Variants in PDS5A observed in about 807,000 individuals in gnomAD.
The protein encoded by PDS5A is PDS5 cohesin associated factor A, also known as sister chromatid cohesion protein PDS5 homolog A.
Under a neutral mutation model 167.1 loss-of-function variants are expected in PDS5A, and 42 were observed. The observed-to-expected ratio is 0.25, with a 90% confidence interval of 0.20 to 0.33. The LOEUF is 0.33. Ranked by LOEUF, PDS5A falls within the 10% of genes least tolerant of loss-of-function variation. The pLI is 1.00. For missense variants in PDS5A, 1,033 were observed against 1,605.9 expected, an observed-to-expected ratio of 0.64 and a Z score of 6.10; for synonymous variants, 553 against 554.6, an observed-to-expected ratio of 1.00 and a Z score of 0.04.
chr4:39,929,606 CGTGTGTGTGTGT>C (rs58333282), intron 2 of PDS5A, among the ~76,000 whole-genome samples: 6 of 130,814 alleles, frequency 4.6e-5, no homozygotes, highest in African/African-American at 1.8e-4. Context: ...CCTATTGGGG[CGTGTGTGTGTGT>C]GTGTGTGTGT....
Position 39,977,420 on chromosome 4 carries a change from C to A in PDS5A, c.-41+37G>T, listed in dbSNP as rs1054402989. ...CTCCCCTTCCGTCCCCTCCCTCCAG[C>A]AGCCTAGGGCGGGAGCCGAGCCGCC... On this transcript the variant is annotated intron_variant, in intron 1 of 32. Transcript: ENST00000303538. The surrounding 1 kb of genome is among the most constrained non-coding windows in gnomAD (Gnocchi z 4.2). 1 of 152,798 alleles carries A rather than the reference C, an allele frequency of 6.5e-6. No homozygotes were observed. Among genetic ancestry groups the A allele is most frequent in the African/African-American group, 2.4e-5 (1 of 41,408 alleles). 9.5% of individuals were successfully genotyped at this position (152,798 alleles called of 1,614,324 possible).
intron 21 of PDS5A, among the ~76,000 whole-genome samples, chr4:39,871,274 G>T (rs895642756): frequency 1.3e-5 from 2 of 152,076 alleles, no homozygotes; most frequent in Non-Finnish European, 2.9e-5. Context: ...TAGCAAATTT[G>T]ATACTATGTA....
At position 39,823,509 on chromosome 4, in the gene PDS5A, T is replaced by C. The variant is rs1171428198; in HGVS notation, c.*1976A>G. The C allele has an allele frequency of 6.6e-6, 1 of 152,480 alleles. No homozygotes were observed. The highest frequency in any genetic ancestry group is 1.9e-4 in the East Asian group (1 of 5,192). The allele number at this position is 152,480 out of a possible 1,614,324, so 9.4% of individuals were successfully genotyped here. ...AATCAAAGGGAGGAAGAGACAAAGG[T>C]CCCTATCAATGCACTTTTTGTTGGT... On this transcript the variant is annotated 3_prime_UTR_variant, in exon 33 of 33. Coordinates refer to ENST00000303538, the MANE Select transcript of PDS5A (RefSeq NM_001100399.2).
chr4:39,929,827 C>G (rs531445308), intron 2 of PDS5A, among the ~76,000 whole-genome samples: 2 of 150,744 alleles, frequency 1.3e-5, no homozygotes, highest in East Asian at 3.9e-4. Context: ...CTCATTGCAA[C>G]CTATGCCTCC....
At chr4:39,834,972 T>C (rs1716258020) in intron 32 of PDS5A, among the ~76,000 whole-genome samples, 3 of 152,198 alleles carry the variant, frequency 2.0e-5, no homozygotes, top group Non-Finnish European at 4.4e-5. Context: ...TTGTATTTAA[T>C]TTATATTTTT....
chr4:39,910,619 T>A (rs999274649), intron 9 of PDS5A, among the ~76,000 whole-genome samples: 3 of 152,192 alleles, frequency 2.0e-5, no homozygotes, highest in Non-Finnish European at 4.4e-5. Flanking sequence ...CTATACACTT[T>A]ATGGAGTTAA....
chr4:39,910,317 A>G lies in PDS5A; in HGVS notation c.1014T>C (p.Pro338=). 4 of 1,553,610 alleles carry G rather than the reference A, an allele frequency of 2.6e-6. No individual in the cohort carries two copies. The highest frequency in any genetic ancestry group is 3.5e-6 in the Non-Finnish European group (4 of 1,131,110). Residue 338 remains proline, a synonymous_variant, in exon 10 of 33, where the codon CCT becomes CCC. Coordinates refer to ENST00000303538, the MANE Select transcript of PDS5A (RefSeq NM_001100399.2). ...FLGRFNDIHV[P]VRLESVKFAS... is the part of the protein sequence containing the mutation. ...CAAATTTCACACTTTCTAATCTCAC[A>G]GGAACATGAATATCATTAAATCTAC...
intron 2 of PDS5A, among the ~76,000 whole-genome samples, chr4:39,959,720 C>T (rs190771426): frequency 5.3e-5 from 8 of 152,056 alleles, no homozygotes; most frequent in Admixed American, 2.0e-4. Flanking sequence ...ATTGGGAGAC[C>T]GAGGCAGGTG....
intron 2 of PDS5A, 69 bp from the exon 3 acceptor site, chr4:39,928,233 T>TAA: frequency 1.0e-4 from 85 of 814,212 alleles, no homozygotes; most frequent in South Asian, 1.6e-4. Flanking sequence ...GGATGTGATT[T>TAA]AAAAAAAAAA....
intron 31 of PDS5A, among the ~76,000 whole-genome samples, chr4:39,840,026 A>T (rs1716832694): frequency 1.3e-5 from 2 of 151,786 alleles, no homozygotes; most frequent in Non-Finnish European, 2.9e-5. Context: ...CCCAGGAGGC[A>T]GAGGTTGCAG....
intron 26 of PDS5A, among the ~76,000 whole-genome samples, chr4:39,858,321 TA>T (rs1226858853): frequency 6.6e-6 from 1 of 152,182 alleles, no homozygotes; most frequent in Non-Finnish European, 1.5e-5. Flanking sequence ...AAACTTATTA[TA>T]AAGTTACAGT....
intron 8 of PDS5A, among the ~76,000 whole-genome samples, chr4:39,915,287 C>T (rs996517656): frequency 1.3e-5 from 2 of 151,516 alleles, no homozygotes; most frequent in Non-Finnish European, 2.9e-5. Context: ...AAGCCTCCTA[C>T]CTCAGCCTCC....
chr4:39,825,291 T>TG lies in PDS5A; in HGVS notation c.*193dup. The TG allele has an allele frequency of 2.2e-6, 1 of 456,030 alleles. No homozygotes were observed. The highest frequency in any genetic ancestry group is 3.9e-6 in the Non-Finnish European group (1 of 256,354). The allele number at this position is 456,030 out of a possible 1,614,324, so 28.2% of individuals were successfully genotyped here. ...TTTTAGCCTCTCTCTCAAGAGTTTCTGCTGTACATTTCCATCAGAGGACTT... is the reference window on the plus strand; with the variant it reads ...TTTTAGCCTCTCTCTCAAGAGTTTCTGGCTGTACATTTCCATCAGAGGACTT... On this transcript the variant is annotated 3_prime_UTR_variant, in exon 33 of 33. Transcript: ENST00000303538.
Position 39,898,938 on chromosome 4 carries a change from T to C in PDS5A, c.1582-113A>G, listed in dbSNP as rs1722647250. 5.8e-6 allele frequency: 4 copies of C among 688,830 alleles called. No individual in the cohort carries two copies. In the East Asian group the frequency reaches 8.5e-5, roughly 15 times the overall value. The allele number at this position is 688,830 out of a possible 1,614,324, so 42.7% of individuals were successfully genotyped here. ...TTTTCATGACGTTAAAAAATAAAGT[T>C]CATCACAGTCTGCTCAATGGAAAAT... On this transcript the variant is annotated intron_variant, in intron 14 of 32. Coordinates refer to ENST00000303538, the MANE Select transcript of PDS5A (RefSeq NM_001100399.2).
At chr4:39,929,544 T>C (rs896820846) in intron 2 of PDS5A, among the ~76,000 whole-genome samples, 1 of 130,948 alleles carries the variant, frequency 7.6e-6, no homozygotes, top group Non-Finnish European at 1.6e-5. Context: ...TATATATATA[T>C]ATATATATAT....
intron 16 of PDS5A, 55 bp downstream of exon 16, chr4:39,898,334 A>G (rs940630884): frequency 2.0e-6 from 3 of 1,478,968 alleles, no homozygotes; most frequent in Non-Finnish European, 2.7e-6. Flanking sequence ...CTTTAATAAA[A>G]TACATATTTC....
intron 2 of PDS5A, among the ~76,000 whole-genome samples, chr4:39,940,118 C>T (rs1048830140): frequency 2.0e-5 from 3 of 151,816 alleles, no homozygotes; most frequent in East Asian, 1.9e-4. Context: ...TTTAGCCGGG[C>T]GTGGTGGCAG....
At chr4:39,872,699 T>TA (rs988524232) in intron 21 of PDS5A, 6 of 197,678 alleles carry the variant, frequency 3.0e-5, no homozygotes, top group Non-Finnish European at 6.1e-5. Flanking sequence ...CAGAAAATGA[T>TA]AAACTGTCTT....
At chr4:39,894,890 C>G (rs1255155986) in intron 16 of PDS5A, among the ~76,000 whole-genome samples, 1 of 152,086 alleles carries the variant, frequency 6.6e-6, no homozygotes, top group Non-Finnish European at 1.5e-5. Context: ...TGCCCACACA[C>G]ACAAAGAATT....
Sources: gnomAD v4.1 joint callset for allele counts (sites outside exome capture counted in the v4.1 genomes callset) on GRCh38, gnomAD v4.1.1 for gene constraint, Gnocchi (gnomAD v3.1) non-coding constraint, MANE v1.5 for transcripts, NCBI Gene and HGNC (gene_info 2026-07-23, HGNC 2026-07-21) for gene names.